The following CDK8 variants were observed in gnomAD, a reference collection of about 807,000 sequenced individuals.
CDK8 encodes the protein cyclin dependent kinase 8.
Under a neutral mutation model 71.5 loss-of-function variants are expected in CDK8, and 29 were observed. The observed-to-expected ratio is 0.41, with a 90% CI of 0.30 to 0.55. The LOEUF (loss-of-function observed/expected upper bound fraction) is 0.55. Among genes scored for constraint, CDK8 ranks in the 20% least tolerant of loss-of-function variants. The probability of loss-of-function intolerance (pLI) is 0.37; values close to 1 mark genes in which losing one functional copy is unlikely to be tolerated. For missense variants in CDK8, 288 were observed against 572.6 expected, an observed-to-expected ratio of 0.50 and a Z score of 5.07; for synonymous variants, 161 against 192.1, an observed-to-expected ratio of 0.84 and a Z score of 1.34.
rs181298628 is a variant in CDK8, at chr13:26,370,241, C to G, written c.457-12573C>G. 2.6e-5 allele frequency among the ~76,000 whole-genome samples: 4 copies of G among 152,272 alleles called. No individual in the cohort carries two copies. In the East Asian group the frequency reaches 5.8e-4, roughly 22 times the overall value. On this transcript the variant is annotated intron_variant, in intron 4 of 12. Coordinates refer to ENST00000381527, the MANE Select transcript of CDK8 (RefSeq NM_001260.3). ...CCTAAACCATTATCACCTGTAAATA[C>G]TTAAGCATATGTCTTAAATAAAATA...
At chr13:26,359,414 T>A (rs576435220) in intron 4 of CDK8, 46 of 156,410 alleles carry the variant, frequency 2.9e-4, no homozygotes, top group South Asian at 7.4e-4. Context: ...AAGTGATTCA[T>A]AATAAGGAAA....
chr13:26,330,170 T>C (rs1039123936), intron 1 of CDK8, among the ~76,000 whole-genome samples: 1 of 152,216 alleles, frequency 6.6e-6, no homozygotes. Flanking sequence ...TTGTTAACTG[T>C]AGTCATCCCA....
chr13:26,318,824 G>C (rs1233158583), intron 1 of CDK8, among the ~76,000 whole-genome samples: 1 of 152,114 alleles, frequency 6.6e-6, no homozygotes, highest in Non-Finnish European at 1.5e-5. Flanking sequence ...AACATGATAT[G>C]AGCTATACCT....
chr13:26,282,039 A>G (rs1872774183), intron 1 of CDK8, among the ~76,000 whole-genome samples: 1 of 151,912 alleles, frequency 6.6e-6, no homozygotes, highest in African/African-American at 2.4e-5. Flanking sequence ...ATAAAAAAAA[A>G]GAACAAAGCC....
At chr13:26,260,507 A>G (rs1387439272) in intron 1 of CDK8, among the ~76,000 whole-genome samples, 1 of 152,132 alleles carries the variant, frequency 6.6e-6, no homozygotes, top group East Asian at 1.9e-4. Context: ...CATGAGGTGT[A>G]AGGAGTCAGA....
intron 1 of CDK8, among the ~76,000 whole-genome samples, chr13:26,281,726 TAAAG>T (rs1271005328): frequency 7.1e-6 from 1 of 140,300 alleles, no homozygotes; most frequent in Non-Finnish European, 1.5e-5. Context: ...AAAACCAACT[TAAAG>T]AAATTAAAAA....
chr13:26,314,857 G>T (rs1242681228), intron 1 of CDK8, among the ~76,000 whole-genome samples: 1 of 152,160 alleles, frequency 6.6e-6, no homozygotes, highest in Non-Finnish European at 1.5e-5. Context: ...ATATGATACA[G>T]ATTATATCTG....
At chr13:26,350,679 C>T (rs1873647475) in intron 3 of CDK8, among the ~76,000 whole-genome samples, 2 of 152,244 alleles carry the variant, frequency 1.3e-5, no homozygotes, top group South Asian at 4.1e-4. Context: ...GTGATCTGCC[C>T]ACCTCGGCCT....
chr13:26,388,719 G>A (rs889581860), intron 6 of CDK8, among the ~76,000 whole-genome samples: 12 of 152,138 alleles, frequency 7.9e-5, no homozygotes, highest in Admixed American at 7.9e-4. Context: ...TACTCACTAG[G>A]ATATTCTACA....
chr13:26,310,595 G>A (rs556832287), intron 1 of CDK8, among the ~76,000 whole-genome samples: 2 of 152,248 alleles, frequency 1.3e-5, no homozygotes, highest in South Asian at 2.1e-4. Flanking sequence ...TCTCCTATGA[G>A]AATCTAATGT....
chr13:26,342,002 C>A, intron 2 of CDK8, among the ~76,000 whole-genome samples: 1 of 152,082 alleles, frequency 6.6e-6, no homozygotes. Flanking sequence ...CTCACTGCAA[C>A]CTCCGCCTCC....
intron 3 of CDK8, among the ~76,000 whole-genome samples, chr13:26,353,510 A>G (rs1873768552): frequency 6.6e-6 from 1 of 151,804 alleles, no homozygotes; most frequent in African/African-American, 2.4e-5. Flanking sequence ...CTGATTCCCT[A>G]TTGTGATAAT....
At chr13:26,271,806 CTTTTTT>C (rs58160694) in intron 1 of CDK8, among the ~76,000 whole-genome samples, 1 of 62,682 alleles carries the variant, frequency 1.6e-5, no homozygotes, top group African/African-American at 8.7e-5. Flanking sequence ...GAGACCCTGT[CTTTTTT>C]TTTTTTTTTT....
chr13:26,290,784 C>G (rs1249216402), intron 1 of CDK8, among the ~76,000 whole-genome samples: 1 of 151,940 alleles, frequency 6.6e-6, no homozygotes, highest in African/African-American at 2.4e-5. Flanking sequence ...ATTTAGCAAT[C>G]AAAAGCATGG....
intron 6 of CDK8, among the ~76,000 whole-genome samples, chr13:26,392,223 A>G (rs1219092129): frequency 1.3e-5 from 2 of 152,172 alleles, no homozygotes; most frequent in African/African-American, 4.8e-5. Context: ...AATTTGAATG[A>G]AAGTAAATCT....
At chr13:26,323,977 C>A (rs1421398382) in intron 1 of CDK8, among the ~76,000 whole-genome samples, 1 of 152,082 alleles carries the variant, frequency 6.6e-6, no homozygotes, top group Non-Finnish European at 1.5e-5. Context: ...TGGTCCCTAA[C>A]ATGTTTGTAC....
chr13:26,311,760 CTT>C (rs34965869), intron 1 of CDK8, among the ~76,000 whole-genome samples: 125,938 of 151,998 alleles, frequency 0.83, 53,885 homozygotes, highest in East Asian at 0.99. Context: ...CCCCAGTAGT[CTT>C]TATCTCATTA....
At chr13:26,330,235 A>C (rs1411679905) in intron 1 of CDK8, among the ~76,000 whole-genome samples, 1 of 151,890 alleles carries the variant, frequency 6.6e-6, no homozygotes, top group Non-Finnish European at 1.5e-5. Flanking sequence ...TATGAGACAG[A>C]GTCTCTGTCG....
chr13:26,386,645 A>G (rs1284761205), intron 6 of CDK8, among the ~76,000 whole-genome samples: 1 of 152,158 alleles, frequency 6.6e-6, no homozygotes, highest in East Asian at 1.9e-4. Flanking sequence ...TTGGAACTGT[A>G]TCTTAGAGGT....
Sources: gnomAD v4.1 joint callset for allele counts (sites outside exome capture counted in the v4.1 genomes callset) on GRCh38, gnomAD v4.1.1 for gene constraint, MANE v1.5 for transcripts, NCBI Gene and HGNC (gene_info 2026-07-23, HGNC 2026-07-21) for gene names.